The following USP32 variants were observed in gnomAD, a reference collection of about 807,000 sequenced individuals.
The protein encoded by USP32 is ubiquitin carboxyl-terminal hydrolase 32.
USP32 carries 59 observed loss-of-function variants against 204.8 expected under a neutral mutation model. The ratio of observed to expected loss-of-function variants is 0.29; its 90% CI spans 0.23 to 0.36. The LOEUF (loss-of-function observed/expected upper bound fraction) is 0.36. Among genes scored for constraint, USP32 ranks in the 10% least tolerant of loss-of-function variants. The probability of loss-of-function intolerance (pLI) is 1.00; values close to 1 mark genes in which losing one functional copy is unlikely to be tolerated. For synonymous variants in USP32, 517 were observed against 678.4 expected, an observed-to-expected ratio of 0.76 and a Z score of 3.70; for missense variants, 1,160 against 1,946.4, an observed-to-expected ratio of 0.60 and a Z score of 7.60.
At chr17:60,304,952 C>T (rs2087685987) in intron 2 of USP32, 1 of 152,194 alleles carries the variant, frequency 6.6e-6, no homozygotes, top group East Asian at 1.9e-4. Flanking sequence ...CTGGTATCCT[C>T]ATTTTAGGGC....
chr17:60,200,434 C>G (rs1208355007), intron 26 of USP32, among the ~76,000 whole-genome samples: 1 of 151,698 alleles, frequency 6.6e-6, no homozygotes, highest in Non-Finnish European at 1.5e-5. Flanking sequence ...GTGCCGCATG[C>G]CTGTAATCCC....
At chr17:60,355,762 G>A (rs115122186) in intron 1 of USP32, among the ~76,000 whole-genome samples, 32 of 150,544 alleles carry the variant, frequency 2.1e-4, no homozygotes, top group African/African-American at 7.6e-4. Context: ...CTAGCGCCTG[G>A]GAGGTCAAGG....
At chr17:60,337,521 T>C (rs1005314750) in intron 2 of USP32, among the ~76,000 whole-genome samples, 3 of 152,208 alleles carry the variant, frequency 2.0e-5, no homozygotes, top group Admixed American at 1.3e-4. Flanking sequence ...GCTAAGTATA[T>C]ACAATATGCA....
rs1205794237 is a variant in USP32 at position 60,391,632 on chromosome 17, G to A, written c.58+250C>T. On this transcript the variant is annotated intron_variant, in intron 1 of 33. Coordinates refer to ENST00000300896, the MANE Select transcript of USP32 (RefSeq NM_032582.4). ...TCCAGGATCACAACGCCACCAGCGAGCACGGGCACTGCCCTGCCAGCGCCG... is the reference window on the plus strand; with the variant it reads ...TCCAGGATCACAACGCCACCAGCGAACACGGGCACTGCCCTGCCAGCGCCG... Among the ~76,000 whole-genome samples the A allele has an allele frequency of 5.3e-5, 8 of 152,178 alleles. No homozygotes were observed. The South Asian group carries it at 1.4e-3, about 28-fold the overall frequency.
chr17:60,352,881 C>T (rs2088982236), intron 1 of USP32, among the ~76,000 whole-genome samples: 1 of 152,124 alleles, frequency 6.6e-6, no homozygotes, highest in African/African-American at 2.4e-5. Context: ...GAACAGGGTT[C>T]ACTGAATAAT....
Position 60,408,217 on chromosome 17 carries a change from CAG to C in USP32, c.106+14027_106+14028del, listed in dbSNP as rs569331161. On this transcript the variant is annotated intron_variant, in intron 1 of 3. Transcript: ENST00000588898. The stretch of plus-strand genomic sequence containing the variant: ...GTGACAGACATGGACCCAGAAATGA[CAG>C]AAATTATGGAATTAGCAGATAAGAA... 5.3e-4 allele frequency among the ~76,000 whole-genome samples: 81 copies of C among 152,002 alleles called. 2 individuals carry two copies. The South Asian group carries it at 0.013, about 24-fold the overall frequency.
At chr17:60,266,112 T>A (rs747926052) in intron 7 of USP32, 21 bp from the exon 8 acceptor site, 2 of 1,574,602 alleles carry the variant, frequency 1.3e-6, no homozygotes, top group Admixed American at 1.7e-5. Flanking sequence ...GAAACTCTTA[T>A]GGAGGAAAAT....
chr17:60,251,682 T>C (rs973341025), intron 11 of USP32, among the ~76,000 whole-genome samples: 4 of 152,208 alleles, frequency 2.6e-5, no homozygotes, highest in African/African-American at 9.6e-5. Flanking sequence ...AAAATATGCA[T>C]ACCTTTGTTT....
chr17:60,237,389 T>C (rs1422925102), intron 11 of USP32, among the ~76,000 whole-genome samples: 4 of 151,684 alleles, frequency 2.6e-5, no homozygotes, highest in Non-Finnish European at 4.4e-5. Flanking sequence ...GTGTTGGGAT[T>C]ACAGACATGA....
At position 60,336,512 on chromosome 17, in the gene USP32, G is replaced by T. The variant is rs937438047; in HGVS notation, c.186+8969C>A. Among the ~76,000 whole-genome samples, 6 of 140,234 alleles carry T rather than the reference G, an allele frequency of 4.3e-5. 1 individual carries two copies. Among genetic ancestry groups the T allele is most frequent in the African/African-American group, 1.9e-4 (6 of 31,742 alleles). 92.0% of individuals were successfully genotyped at this position (140,234 alleles called of 152,430 possible). On this transcript the variant is annotated intron_variant, in intron 2 of 33. Coordinates refer to ENST00000300896, the MANE Select transcript of USP32 (RefSeq NM_032582.4). ...GGGCGGATCACGAGGTCAAGAGATC[G>T]AGACCATCCCGGCTAAAACGGTGAA...
intron 1 of USP32, among the ~76,000 whole-genome samples, chr17:60,360,788 T>C (rs573278307): frequency 6.6e-6 from 1 of 152,156 alleles, no homozygotes; most frequent in Non-Finnish European, 1.5e-5. Context: ...TAGTTTTTCA[T>C]TACACAAGCA....
intron 2 of USP32, among the ~76,000 whole-genome samples, chr17:60,324,731 GGT>G: frequency 6.6e-6 from 1 of 152,294 alleles, no homozygotes; most frequent in East Asian, 1.9e-4. Flanking sequence ...GGCCAGGCAT[GGT>G]GGCTCACATC....
At chr17:60,394,050 C>T (rs980464863), upstream of USP32, among the ~76,000 whole-genome samples, 2 of 152,196 alleles carry the variant, frequency 1.3e-5, no homozygotes, top group Non-Finnish European at 2.9e-5. Context: ...TTAGTCACAG[C>T]GCTGCCCTTT....
intron 2 of USP32, among the ~76,000 whole-genome samples, chr17:60,339,583 CAAAA>C (rs1420937665): frequency 1.5e-5 from 1 of 65,916 alleles, no homozygotes. Flanking sequence ...AACTCCATCT[CAAAA>C]AAAAAAAAAA....
intron 1 of USP32, among the ~76,000 whole-genome samples, chr17:60,417,660 G>A (rs906883917): frequency 6.6e-6 from 1 of 150,910 alleles, no homozygotes; most frequent in Non-Finnish European, 1.5e-5. Context: ...CGCCATGTTG[G>A]CCAGGCTGGT....
At chr17:60,321,506 A>T (rs1317472417) in intron 2 of USP32, among the ~76,000 whole-genome samples, 1 of 152,184 alleles carries the variant, frequency 6.6e-6, no homozygotes, top group African/African-American at 2.4e-5. Flanking sequence ...GAACCAGGAA[A>T]TTATCATCTC....
At chr17:60,204,995 G>A (rs1221095071) in intron 26 of USP32, among the ~76,000 whole-genome samples, 1 of 142,206 alleles carries the variant, frequency 7.0e-6, no homozygotes, top group Non-Finnish European at 1.5e-5. Flanking sequence ...GTCTCACTAT[G>A]TTGCCCAGGC....
intron 17 of USP32, 119 bp downstream of exon 17, chr17:60,214,501 T>C: frequency 4.9e-6 from 4 of 815,252 alleles, no homozygotes; most frequent in Non-Finnish European, 7.6e-6. Context: ...CTTGTGCTCT[T>C]TGGCAACATA....
chr17:60,210,588 T>C (rs1393759243), intron 21 of USP32, among the ~76,000 whole-genome samples: 8 of 152,228 alleles, frequency 5.3e-5, no homozygotes, highest in Admixed American at 5.2e-4. Context: ...ATTACAGGCG[T>C]GAGCCCCTGC....
Sources: gnomAD v4.1 joint callset for allele counts (sites outside exome capture counted in the v4.1 genomes callset) on GRCh38, gnomAD v4.1.1 for gene constraint, MANE v1.5 for transcripts, NCBI Gene and HGNC (gene_info 2026-07-23, HGNC 2026-07-21) for gene names.